Variants in DGKB observed in about 807,000 individuals in gnomAD.
DGKB encodes 90 kDa diacylglycerol kinase.
DGKB carries 67 observed loss-of-function variants against 114.3 expected under a neutral mutation model. That is an observed-to-expected ratio of 0.59 (90% CI 0.48 to 0.72). The LOEUF is 0.72. Ranked by LOEUF, DGKB falls within the 30% of genes least tolerant of loss-of-function variation. The pLI is 0.00. For synonymous variants in DGKB, 398 were observed against 323.1 expected (o/e 1.23, Z -2.49); for missense variants, 907 against 975.2 (o/e 0.93, Z 0.93).
chr7:14,859,763 C>G (rs920044269), intron 1 of DGKB, among the ~76,000 whole-genome samples: 2 of 152,036 alleles, frequency 1.3e-5, no homozygotes, highest in Admixed American at 1.3e-4. Flanking sequence ...CCTATCTCCC[C>G]GTACCTCCTT....
Position 14,939,822 on chromosome 7 carries a change from C to A in DGKB, c.-188+34874G>T, listed in dbSNP as rs554157535. On this transcript the variant is annotated intron_variant, in intron 1 of 4. Coordinates refer to the DGKB transcript ENST00000437998. ...TAGAGACAGGATTTCACCGTGTTAG[C>A]CAGCATGGTCTTGATCTCCTGACCT... 3.3e-5 allele frequency among the ~76,000 whole-genome samples: 5 copies of A among 151,914 alleles called. No individual in the cohort carries two copies. In the East Asian group the frequency reaches 5.9e-4, roughly 18 times the overall value.
chr7:14,244,383 G>T (rs756346942), intron 23 of DGKB, among the ~76,000 whole-genome samples: 1 of 152,060 alleles, frequency 6.6e-6, no homozygotes, highest in Non-Finnish European at 1.5e-5. Context: ...CTGGCCGGGC[G>T]CGGTGGCTCA....
At chr7:14,265,315 A>ATTTTTTTTTTTTTTTTTTTTT (rs1178230744) in intron 23 of DGKB, among the ~76,000 whole-genome samples, 1 of 40,512 alleles carries the variant, frequency 2.5e-5, no homozygotes, top group African/African-American at 1.9e-4. Context: ...TTTCTCTTGC[A>ATTTTTTTTTTTTTTTTTTTTT]TTCTTTTTTT....
intron 21 of DGKB, among the ~76,000 whole-genome samples, chr7:14,348,793 AAAAGGTAGCATGTG>A (rs1408283731): frequency 3.3e-5 from 5 of 151,780 alleles, no homozygotes; most frequent in Non-Finnish European, 7.4e-5. Flanking sequence ...GCTTTAGAAT[AAAAGGTAGCATGTG>A]AATGGATAAG....
intron 21 of DGKB, among the ~76,000 whole-genome samples, chr7:14,417,811 T>C (rs886323210): frequency 2.6e-5 from 4 of 151,954 alleles, no homozygotes; most frequent in Admixed American, 6.6e-5. Flanking sequence ...ATGAGAAGGA[T>C]AGTTTAAACA....
chr7:14,158,070 A>T (rs909927962), intron 25 of DGKB, among the ~76,000 whole-genome samples: 2 of 152,208 alleles, frequency 1.3e-5, no homozygotes, highest in Non-Finnish European at 2.9e-5. Flanking sequence ...AAAGAATCTC[A>T]GTTTTGACCT....
intron 1 of DGKB, among the ~76,000 whole-genome samples, chr7:14,924,690 T>C (rs1404777394): frequency 6.6e-6 from 1 of 152,168 alleles, no homozygotes; most frequent in Non-Finnish European, 1.5e-5. Flanking sequence ...TTTGTTTCAA[T>C]AGTAATCATT....
At chr7:14,478,542 G>C (rs1322313719) in intron 20 of DGKB, among the ~76,000 whole-genome samples, 1 of 152,210 alleles carries the variant, frequency 6.6e-6, no homozygotes, top group Admixed American at 6.5e-5. Context: ...GTATGTTGAA[G>C]ATAGCACATA....
rs964191481 is a variant in DGKB, at chr7:14,800,634, T to A, written c.70+40560A>T. ...TAAGTTAATACTTAGTAAACTCACC[T>A]TTTTATATATGCTATGCTTGTCTAG... On this transcript the variant is annotated intron_variant, in intron 2 of 25. Coordinates refer to ENST00000402815, the MANE Select transcript of DGKB (RefSeq NM_001350709.2). Among the ~76,000 whole-genome samples, 4 of 152,320 alleles carry A rather than the reference T, an allele frequency of 2.6e-5. No homozygotes were observed. In the South Asian group the frequency reaches 8.3e-4, roughly 32 times the overall value.
At chr7:14,154,085 A>G (rs758278735) in intron 25 of DGKB, among the ~76,000 whole-genome samples, 3 of 151,926 alleles carry the variant, frequency 2.0e-5, no homozygotes, top group Non-Finnish European at 4.4e-5. Flanking sequence ...CAGATTTGCA[A>G]GAGAGCTAGA....
chr7:14,624,535 T>G (rs989208691), intron 14 of DGKB, among the ~76,000 whole-genome samples: 73 of 152,204 alleles, frequency 4.8e-4, no homozygotes, highest in African/African-American at 1.6e-3. Context: ...TCTATTAATA[T>G]GACTTTACTT....
At chr7:14,928,000 C>G (rs1199428757) in intron 1 of DGKB, among the ~76,000 whole-genome samples, 1 of 151,694 alleles carries the variant, frequency 6.6e-6, no homozygotes, top group Non-Finnish European at 1.5e-5. Flanking sequence ...CAAATGTACC[C>G]TTCATAGTGC....
At chr7:14,558,607 T>C (rs1353617865) in intron 20 of DGKB, among the ~76,000 whole-genome samples, 1 of 152,190 alleles carries the variant, frequency 6.6e-6, no homozygotes, top group African/African-American at 2.4e-5. Context: ...TTCATGGATA[T>C]TCCAGAAAAC....
chr7:14,433,021 G>T (rs1454913492), intron 21 of DGKB, among the ~76,000 whole-genome samples: 1 of 152,108 alleles, frequency 6.6e-6, no homozygotes, highest in Non-Finnish European at 1.5e-5. Context: ...GATATTCCCA[G>T]ATCCCCTCCC....
intron 13 of DGKB, among the ~76,000 whole-genome samples, chr7:14,653,278 G>A (rs2128905207): frequency 6.6e-6 from 1 of 151,538 alleles, no homozygotes. Flanking sequence ...ATGATAGACT[G>A]GATTAAGAAA....
chr7:14,193,015 C>A (rs1485375169), intron 23 of DGKB, among the ~76,000 whole-genome samples: 1 of 152,052 alleles, frequency 6.6e-6, no homozygotes, highest in Non-Finnish European at 1.5e-5. Flanking sequence ...AGTCTGAGCT[C>A]AGGCGGTAAT....
intron 21 of DGKB, among the ~76,000 whole-genome samples, chr7:14,386,853 A>G (rs1473051352): frequency 1.3e-5 from 2 of 152,064 alleles, no homozygotes; most frequent in Non-Finnish European, 2.9e-5. Flanking sequence ...ACATCAATTA[A>G]AGTAATTTTT....
chr7:14,536,640 A>C (rs1022582291), intron 20 of DGKB, among the ~76,000 whole-genome samples: 1 of 152,196 alleles, frequency 6.6e-6, no homozygotes, highest in African/African-American at 2.4e-5. Flanking sequence ...CCACTCAACA[A>C]ATTAGTTATA....
chr7:14,926,072 A>G lies in DGKB; in HGVS notation c.-188+48624T>C, dbSNP rs554067969. On this transcript the variant is annotated intron_variant, in intron 1 of 4. Transcript: ENST00000437998. The stretch of plus-strand genomic sequence containing the variant: ...TACCAAATTGAAAGAAAAATCCTAT[A>G]ATCCTAGTTTGCAGGGAGTTTTTAT... Among the ~76,000 whole-genome samples the G allele has an allele frequency of 7.9e-5, 12 of 152,220 alleles. No individual in the cohort carries two copies. The South Asian group carries it at 2.5e-3, about 32-fold the overall frequency.
Sources: gnomAD v4.1 joint callset for allele counts (sites outside exome capture counted in the v4.1 genomes callset) on GRCh38, gnomAD v4.1.1 for gene constraint, MANE v1.5 for transcripts, NCBI Gene and HGNC (gene_info 2026-07-23, HGNC 2026-07-21) for gene names.